The following SUCLA2 variants were observed in gnomAD, a reference collection of about 807,000 sequenced individuals.
SUCLA2 encodes the protein succinate--CoA ligase [ADP-forming] subunit beta, mitochondrial.
In SUCLA2, 30 loss-of-function variants were observed where a neutral mutation model predicts 54.8. The ratio of observed to expected loss-of-function variants is 0.55; its 90% confidence interval spans 0.41 to 0.74. The LOEUF is 0.74. Ranked by LOEUF, SUCLA2 falls within the 30% of genes least tolerant of loss-of-function variation. The probability of loss-of-function intolerance (pLI) is 0.00; values close to 1 mark genes in which losing one functional copy is unlikely to be tolerated. For missense variants in SUCLA2, 476 were observed against 562.9 expected (o/e 0.85, Z 1.56); for synonymous variants, 172 against 188.9 (o/e 0.91, Z 0.74).
Position 47,954,808 on chromosome 13 carries a change from C to G in SUCLA2, c.803-251G>C, listed in dbSNP as rs536389712. ...CACTACATAAAGAAAAAGAAAACCTCAAAAATATTTTAAATTATTTAAAAA... is the reference window on the plus strand; with the variant it reads ...CACTACATAAAGAAAAAGAAAACCTGAAAAATATTTTAAATTATTTAAAAA... On this transcript the variant is annotated intron_variant, in intron 6 of 10. Coordinates refer to ENST00000646932, the MANE Select transcript of SUCLA2 (RefSeq NM_003850.3). 9.9e-5 allele frequency among the ~76,000 whole-genome samples: 15 copies of G among 152,226 alleles called. No homozygotes were observed. In the South Asian group the frequency reaches 1.2e-3, roughly 13 times the overall value.
At chr13:47,953,126 A>G (rs1051804860) in intron 8 of SUCLA2, among the ~76,000 whole-genome samples, 3 of 152,174 alleles carry the variant, frequency 2.0e-5, no homozygotes, top group African/African-American at 4.8e-5. Flanking sequence ...GGCCACTTCA[A>G]TGCTATCCAC....
At chr13:47,971,741 T>C (rs1013127571) in intron 5 of SUCLA2, 2 of 394,714 alleles carry the variant, frequency 5.1e-6, no homozygotes, top group South Asian at 1.4e-4. Context: ...TAAGACAGTG[T>C]CCCATCCATT....
At chr13:47,945,082 T>C (rs1164444721) in intron 10 of SUCLA2, among the ~76,000 whole-genome samples, 2 of 151,686 alleles carry the variant, frequency 1.3e-5, no homozygotes, top group East Asian at 3.9e-4. Context: ...AAACCGCATC[T>C]CTACTAAAAA....
chr13:47,978,551 C>A (rs1283642513), intron 4 of SUCLA2, among the ~76,000 whole-genome samples: 2 of 152,108 alleles, frequency 1.3e-5, no homozygotes, highest in African/African-American at 4.8e-5. Flanking sequence ...AGACCTAAAA[C>A]CATAAAAACC....
chr13:47,968,467 A>G, intron 6 of SUCLA2, 128 bp downstream of exon 6: 1 of 1,042,212 alleles, frequency 9.6e-7, no homozygotes, highest in Non-Finnish European at 1.4e-6. Context: ...ATTCTATCTG[A>G]TTTTTTTTTA....
At chr13:47,951,362 ATCT>A (rs1251526423) in intron 8 of SUCLA2, among the ~76,000 whole-genome samples, 1 of 127,296 alleles carries the variant, frequency 7.9e-6, no homozygotes, top group African/African-American at 3.0e-5. Context: ...TCCCTCTCTA[ATCT>A]TCTACTCTAT....
intron 10 of SUCLA2, among the ~76,000 whole-genome samples, chr13:47,946,602 C>T (rs1274613358): frequency 7.1e-6 from 1 of 140,182 alleles, no homozygotes; most frequent in Non-Finnish European, 1.6e-5. Flanking sequence ...TTAAAAAAAG[C>T]AATCCCTTTA....
Position 47,972,668 on chromosome 13 carries a change from T to TAA in SUCLA2, c.663+594_663+595dup, listed in dbSNP as rs34866956. Reference sequence around the variant, plus strand: ...TGGGTGACGGAGCAAGACTCCGTCTTAAAAAAAAAAAAAAAAGAAAGAAAG... The same window carrying TAA: ...TGGGTGACGGAGCAAGACTCCGTCTTAAAAAAAAAAAAAAAAAAGAAAGAAAG... On this transcript the variant is annotated intron_variant, in intron 5 of 10. Coordinates refer to ENST00000646932, the MANE Select transcript of SUCLA2 (RefSeq NM_003850.3). Among the ~76,000 whole-genome samples the TAA allele has an allele frequency of 6.4e-5, 8 of 125,504 alleles. No homozygotes were observed. In the East Asian group the frequency reaches 1.1e-3, roughly 18 times the overall value. The allele number at this position is 125,504 out of a possible 152,430, so 82.3% of individuals were successfully genotyped here. A position where few individuals can be genotyped will look rare whatever the true frequency, so the allele number is the denominator to read the frequency against.
At chr13:48,000,137 G>GAAAAA (rs10714629) in intron 1 of SUCLA2, among the ~76,000 whole-genome samples, 3 of 94,212 alleles carry the variant, frequency 3.2e-5, no homozygotes, top group African/African-American at 3.9e-5. Context: ...CAATAAAAAT[G>GAAAAA]AAAAAAAAAA....
chr13:47,944,900 A>G (rs1949717358), intron 10 of SUCLA2, among the ~76,000 whole-genome samples: 1 of 152,034 alleles, frequency 6.6e-6, no homozygotes, highest in African/African-American at 2.4e-5. Context: ...AGGTGGGAGG[A>G]TCATATGAGG....
rs538347390 is a variant in SUCLA2, at chr13:47,944,566, T to A, written c.1318-1121A>T. On this transcript the variant is annotated intron_variant, in intron 10 of 10. Transcript: ENST00000646932. ...TTTATTACCTTCACCTTTTCTCATA[T>A]CTAAGTATTGCACTAGATGGACTCC... Among the ~76,000 whole-genome samples, 7 of 152,270 alleles carry A rather than the reference T, an allele frequency of 4.6e-5. No individual in the cohort carries two copies. The South Asian group carries it at 1.5e-3, about 32-fold the overall frequency.
chr13:47,963,765 T>C (rs973761001), intron 6 of SUCLA2, among the ~76,000 whole-genome samples: 1 of 152,212 alleles, frequency 6.6e-6, no homozygotes, highest in African/African-American at 2.4e-5. Flanking sequence ...TGAAAAGGCC[T>C]GGAAGCAATG....
intron 8 of SUCLA2, among the ~76,000 whole-genome samples, chr13:47,953,912 T>C (rs1246440927): frequency 6.6e-6 from 1 of 152,132 alleles, no homozygotes; most frequent in Non-Finnish European, 1.5e-5. Flanking sequence ...TTCTAAATTA[T>C]GGCACATCTA....
intron 4 of SUCLA2, among the ~76,000 whole-genome samples, chr13:47,979,234 C>G (rs1950042083): frequency 6.6e-6 from 1 of 152,126 alleles, no homozygotes; most frequent in Non-Finnish European, 1.5e-5. Context: ...GACTTGGAAT[C>G]AACCCAAATG....
chr13:48,001,173 G>C lies in SUCLA2; in HGVS notation c.90+7C>G. ...CCTCGAGACGACAGCGGACTGGAAG[G>C]CATTACCTGAGCAGCAGCCCGCTGG... On this transcript the variant is annotated splice_region_variant and intron_variant, in intron 1 of 10. Transcript: ENST00000646932. 6.2e-7 allele frequency: 1 copy of C among 1,607,904 alleles called. No individual in the cohort carries two copies. Among genetic ancestry groups the C allele is most frequent in the Non-Finnish European group, 8.5e-7 (1 of 1,177,778 alleles).
chr13:47,966,887 G>C (rs1949923957), intron 6 of SUCLA2, among the ~76,000 whole-genome samples: 1 of 152,220 alleles, frequency 6.6e-6, no homozygotes, highest in East Asian at 1.9e-4. Context: ...CATGGTGGTG[G>C]CATGGGCCTG....
intron 6 of SUCLA2, among the ~76,000 whole-genome samples, chr13:47,964,616 G>T (rs1949901271): frequency 6.6e-6 from 1 of 152,180 alleles, no homozygotes. Flanking sequence ...CCAGCACTTT[G>T]GGAGGCCAAG....
rs750614246 is a variant in SUCLA2, at chr13:47,968,692, T to A, written c.705A>T (p.Ser235=). Residue 235 remains serine (S), a synonymous_variant, in exon 6 of 11, where the codon TCA becomes TCT. Transcript: ENST00000646932. ...AAAGCTTGACCATGTTTTCTGCTGC[T>A]GATTCCACAATATTAGGTGGAAATC... ...KMGFPPNIVE[S]AAENMVKLYS... The A allele has an allele frequency of 3.5e-5, 57 of 1,612,266 alleles. No homozygotes were observed. In the South Asian group the frequency reaches 5.8e-4, roughly 16 times the overall value.
intron 6 of SUCLA2, among the ~76,000 whole-genome samples, chr13:47,967,447 A>G (rs1483819854): frequency 6.6e-6 from 1 of 152,206 alleles, no homozygotes; most frequent in Non-Finnish European, 1.5e-5. Flanking sequence ...AAAATAGAAC[A>G]TCTCTAACTA....
Sources: allele counts gnomAD v4.1 joint callset (sites outside exome capture counted in the v4.1 genomes callset), GRCh38; gene constraint gnomAD v4.1.1; transcripts MANE v1.5; gene names NCBI Gene and HGNC (gene_info 2026-07-23, HGNC 2026-07-21).